The following MACF1 variants were observed in gnomAD, a reference collection of about 807,000 sequenced individuals.
The protein encoded by MACF1 is microtubule-actin cross-linking factor 1.
A neutral mutation model predicts 854.8 loss-of-function variants in MACF1; 193 were observed. The ratio of observed to expected loss-of-function variants is 0.23; its 90% CI spans 0.20 to 0.25. The LOEUF is 0.25. MACF1 is among the 10% of genes least tolerant of loss of function. The pLI is 1.00. For missense variants in MACF1, 7,722 were observed against 8,929.1 expected, an observed-to-expected ratio of 0.86 and a Z score of 5.45; for synonymous variants, 3,185 against 3,226.7, an observed-to-expected ratio of 0.99 and a Z score of 0.44.
At chr1:39,233,808 T>TTTTAA (rs755591226) in intron 2 of MACF1, among the ~76,000 whole-genome samples, 3 of 65,854 alleles carry the variant, frequency 4.6e-5, no homozygotes, top group East Asian at 9.7e-4. Context: ...ATTTATTTTT[T>TTTTAA]ATTGATAATT....
intron 2 of MACF1, among the ~76,000 whole-genome samples, chr1:39,141,977 A>G (rs1643355575): frequency 6.6e-6 from 1 of 152,214 alleles, no homozygotes; most frequent in Admixed American, 6.5e-5. Flanking sequence ...TGCCAAAGAG[A>G]TAACTGACTC....
chr1:39,244,785 A>G (rs1432715398), intron 2 of MACF1, among the ~76,000 whole-genome samples: 2 of 151,672 alleles, frequency 1.3e-5, no homozygotes, highest in African/African-American at 2.4e-5. Flanking sequence ...TGTCATGTTC[A>G]CTAGGCTGGT....
intron 6 of MACF1, among the ~76,000 whole-genome samples, chr1:39,281,045 G>A (rs914962433): frequency 2.0e-5 from 3 of 152,152 alleles, no homozygotes; most frequent in Admixed American, 1.3e-4. Flanking sequence ...TAATCTCGCT[G>A]ATTATCACAG....
At chr1:39,270,033 C>T (rs1474764142) in intron 6 of MACF1, among the ~76,000 whole-genome samples, 1 of 152,178 alleles carries the variant, frequency 6.6e-6, no homozygotes, top group African/African-American at 2.4e-5. Flanking sequence ...GGTCTGTTTA[C>T]CAGCTTCCCT....
chr1:39,316,994 A>G (rs1462847274), intron 28 of MACF1, among the ~76,000 whole-genome samples: 1 of 152,246 alleles, frequency 6.6e-6, no homozygotes, highest in East Asian at 1.9e-4. Context: ...AGTTCTATGC[A>G]CATTTCTCTA....
In MACF1 at chr1:39,439,299, G is replaced by C. The variant is rs1180996964; in HGVS notation, c.18246G>C (p.Met6082Ile). 2.5e-6 allele frequency: 4 copies of C among 1,612,426 alleles called. No individual in the cohort carries two copies. In the African/African-American group the frequency reaches 5.3e-5, roughly 22 times the overall value. Residue 6082 changes from methionine to isoleucine, a missense_variant, in exon 72 of 101, where the codon ATG becomes ATC. By Grantham distance (10) the Met-to-Ile change is conservative. Around this residue, in one of 15 missense-constraint regions of MACF1, gnomAD observed 2,807 missense variants for 3,235.8 expected, o/e 0.87. Transcript: ENST00000564288. ...AKEIQDKLDQ[M>I]VFFWEDIKAR... The stretch of plus-strand genomic sequence containing the variant: ...AAATCCAGGATAAATTGGATCAAAT[G>C]GTATTCTTCTGGGAGGACATCAAAG...
chr1:39,200,559 C>T (rs367672048), upstream of MACF1, among the ~76,000 whole-genome samples: 1 of 151,746 alleles, frequency 6.6e-6, no homozygotes, highest in Non-Finnish European at 1.5e-5. Flanking sequence ...ATTAGCCGGG[C>T]GTGGTGGTGG....
At chr1:39,140,286 G>GT (rs975280503) in intron 2 of MACF1, among the ~76,000 whole-genome samples, 3 of 152,106 alleles carry the variant, frequency 2.0e-5, no homozygotes, top group Non-Finnish European at 4.4e-5. Flanking sequence ...CAAATCCCAT[G>GT]TTTTTTCCAC....
intron 1 of MACF1, among the ~76,000 whole-genome samples, chr1:39,208,483 T>C (rs1220343724): frequency 1.3e-5 from 2 of 152,028 alleles, no homozygotes; most frequent in African/African-American, 4.8e-5. Context: ...AAACCGAGTC[T>C]CACTTTGTCA....
At position 39,102,665 on chromosome 1, in the gene MACF1, G is replaced by A. The variant is rs1222069523; in HGVS notation, c.220+18227G>A. On this transcript the variant is annotated intron_variant, in intron 2 of 93. Coordinates refer to the MACF1 transcript ENST00000361689. ...AATTGGGAGGACACCAAGGATAAAG[G>A]GCATTAATTTCCTTGTATTACTCTT... 5 of 669,070 alleles carry A rather than the reference G, an allele frequency of 7.5e-6. No homozygotes were observed. The Admixed American group carries it at 1.1e-4, about 15-fold the overall frequency. The allele number at this position is 669,070 out of a possible 1,614,324, so 41.4% of individuals were successfully genotyped here. A position where few individuals can be genotyped will look rare whatever the true frequency, so the allele number is the denominator to read the frequency against.
rs1438431467 is a variant in MACF1, at chr1:39,336,075, T to C, written c.9487T>C (p.Ser3163Pro). 2 of 1,613,962 alleles carry C rather than the reference T, an allele frequency of 1.2e-6. No homozygotes were observed. The highest frequency in any genetic ancestry group is 1.3e-5 in the African/African-American group (1 of 74,958). The change falls in exon 37 of 101, where the codon TCC becomes CCC. Residue 3163 changes from serine (S) to proline (P), a missense_variant. Coordinates refer to ENST00000564288, the MANE Select transcript of MACF1 (RefSeq NM_001394062.1). Reference sequence around the variant, plus strand: ...AACTAAGGAAACCAAACATCAAATTTCCTCATCTAATGAATGTAAAGAAAA... The same window carrying C: ...AACTAAGGAAACCAAACATCAAATTCCCTCATCTAATGAATGTAAAGAAAA... ...SKTKETKHQISSSNECKEKSY... is the reference protein window; with the variant it reads ...SKTKETKHQIPSSNECKEKSY...
At chr1:39,244,305 G>C (rs187953966) in intron 2 of MACF1, among the ~76,000 whole-genome samples, 713 of 151,510 alleles carry the variant, frequency 4.7e-3, no homozygotes, top group Admixed American at 8.4e-3. Flanking sequence ...TTTTTGAGGT[G>C]GAGTCGTGCA....
intron 58 of MACF1, among the ~76,000 whole-genome samples, chr1:39,400,750 C>T (rs551233370): frequency 4.6e-5 from 7 of 152,158 alleles, no homozygotes; most frequent in Admixed American, 2.0e-4. Context: ...TCAAGTGATC[C>T]GCCCACCTCA....
rs772434247 is a variant in MACF1, at chr1:39,333,384, G to A, written c.6796G>A (p.Gly2266Ser). ...MSEKTDEEDS[G>S]REIFLSCSHP... ...AGAAAAGACCGATGAGGAAGATAGT[G>A]GCAGGGAAATTTTTCTGTCATGCAG... The change falls in exon 37 of 101, where the codon GGC becomes AGC. Residue 2266 changes from glycine to serine, a missense_variant. Physicochemically the swap from Gly to Ser is moderately conservative, Grantham distance 56. Coordinates refer to ENST00000564288, the MANE Select transcript of MACF1 (RefSeq NM_001394062.1). 4 of 1,614,032 alleles carry A rather than the reference G, an allele frequency of 2.5e-6. No homozygotes were observed. Among genetic ancestry groups the A allele is most frequent in the Non-Finnish European group, 3.4e-6 (4 of 1,179,972 alleles).
intron 2 of MACF1, among the ~76,000 whole-genome samples, chr1:39,198,144 G>A (rs887965333): frequency 6.6e-6 from 1 of 152,182 alleles, no homozygotes; most frequent in Non-Finnish European, 1.5e-5. Context: ...GCTGCAGCGA[G>A]CTATGATTGT....
intron 5 of MACF1, 160 bp from the exon 6 acceptor site, chr1:39,257,776 G>A (rs1388671647): frequency 6.8e-6 from 4 of 587,264 alleles, no homozygotes; most frequent in Admixed American, 6.2e-5. Flanking sequence ...AAACTGTTTT[G>A]TGGTGGTAGT....
intron 6 of MACF1, chr1:39,268,887 C>T (rs1478034480): frequency 1.6e-6 from 2 of 1,289,244 alleles, no homozygotes; most frequent in Admixed American, 2.3e-5. Context: ...GACTGAAACC[C>T]TAACGAAGTT....
chr1:39,121,499 G>C (rs1265077108), intron 2 of MACF1, among the ~76,000 whole-genome samples: 1 of 152,056 alleles, frequency 6.6e-6, no homozygotes, highest in African/African-American at 2.4e-5. Context: ...GCCTGGTCTG[G>C]AGTGCGGTGG....
At chr1:39,365,427 A>G (rs541486376) in intron 49 of MACF1, among the ~76,000 whole-genome samples, 29 of 152,302 alleles carry the variant, frequency 1.9e-4, no homozygotes, top group African/African-American at 7.0e-4. Context: ...GGTCATGCTC[A>G]AAGGAAAGAC....
Sources: gnomAD v4.1 joint callset for allele counts (sites outside exome capture counted in the v4.1 genomes callset) on GRCh38, gnomAD v4.1.1 for gene constraint, gnomAD v4.1.1 regional missense constraint, MANE v1.5 for transcripts, NCBI Gene and HGNC (gene_info 2026-07-23, HGNC 2026-07-21) for gene names.